R3HDM2: variants seen among roughly 807,000 people sequenced by gnomAD.
The protein encoded by R3HDM2 is R3H domain-containing protein 2.
Under a neutral mutation model 124.5 loss-of-function variants are expected in R3HDM2, and 38 were observed. The ratio of observed to expected loss-of-function variants is 0.31; its 90% CI spans 0.24 to 0.40. The LOEUF (loss-of-function observed/expected upper bound fraction) is 0.40, where lower values mean the gene tolerates loss of function less well. R3HDM2 is among the 10% of genes least tolerant of loss of function. The pLI is 1.00. For synonymous variants in R3HDM2, 391 were observed against 448.0 expected, an observed-to-expected ratio of 0.87 and a Z score of 1.61; for missense variants, 869 against 1,236.9, an observed-to-expected ratio of 0.70 and a Z score of 4.46.
chr12:57,404,575 C>T (rs573574601), intron 1 of R3HDM2, among the ~76,000 whole-genome samples: 2 of 152,034 alleles, frequency 1.3e-5, no homozygotes, highest in South Asian at 2.1e-4. Context: ...TGGTGGCGTG[C>T]GCCTGTAGTC....
At chr12:57,290,012 C>T (rs1486906907) in intron 11 of R3HDM2, among the ~76,000 whole-genome samples, 5 of 152,038 alleles carry the variant, frequency 3.3e-5, no homozygotes, top group African/African-American at 4.8e-5. Flanking sequence ...GTTAGAAGTG[C>T]TGAAATCAAA....
Position 57,303,169 on chromosome 12 carries a change from C to T in R3HDM2, c.207+7G>A. ...ATTAGAAAAGAAGCTAGAGGAAGGG[C>T]TCTCACCTTGGCTCTTTTCCTGGCA... On this transcript the variant is annotated splice_region_variant and intron_variant, in intron 4 of 23. Coordinates refer to ENST00000402412, the MANE Select transcript of R3HDM2 (RefSeq NM_001394031.1). 1 of 1,508,922 alleles carries T rather than the reference C, an allele frequency of 6.6e-7. No homozygotes were observed. The highest frequency in any genetic ancestry group is 2.5e-5 in the East Asian group (1 of 40,710). 93.5% of individuals were successfully genotyped at this position (1,508,922 alleles called of 1,614,324 possible).
intron 2 of R3HDM2, among the ~76,000 whole-genome samples, chr12:57,369,043 T>C (rs1000835033): frequency 2.6e-4 from 39 of 152,174 alleles, no homozygotes; most frequent in Admixed American, 5.9e-4. Flanking sequence ...ATAGAAGGAT[T>C]AGGCAAATAA....
In R3HDM2 at chr12:57,365,323, T is replaced by A. The variant is rs189525876; in HGVS notation, c.-36+30426A>T. ...AGATTGGATTAGGGCCCTCCTCCTA[T>A]TTTATTTTATTCACCTCTTTAATGG... On this transcript the variant is annotated intron_variant, in intron 2 of 23. Transcript: ENST00000402412. Among the ~76,000 whole-genome samples, 165 of 152,122 alleles carry A rather than the reference T, an allele frequency of 1.1e-3. 1 individual carries two copies. The highest frequency in any genetic ancestry group is 3.8e-3 in the African/African-American group (158 of 41,522).
At chr12:57,297,280 C>T (rs1336952161) in intron 8 of R3HDM2, 48 bp downstream of exon 8, 2 of 1,011,604 alleles carry the variant, frequency 2.0e-6, no homozygotes, top group South Asian at 3.0e-5. Flanking sequence ...AATTTATTTC[C>T]AGTGCCCCCT....
intron 23 of R3HDM2, 117 bp downstream of exon 23, chr12:57,255,873 A>G: frequency 1.2e-6 from 1 of 806,846 alleles, no homozygotes. Context: ...TTTGAGCACA[A>G]AGGGTCCCAC....
chr12:57,408,736 AATAT>A (rs1008201719), intron 1 of R3HDM2, among the ~76,000 whole-genome samples: 1 of 151,946 alleles, frequency 6.6e-6, no homozygotes, highest in South Asian at 2.1e-4. Context: ...AATCTCAAAA[AATAT>A]ATATATATTT....
chr12:57,343,417 G>A (rs1039760078), intron 2 of R3HDM2, among the ~76,000 whole-genome samples: 5 of 151,862 alleles, frequency 3.3e-5, no homozygotes, highest in African/African-American at 1.2e-4. Flanking sequence ...TCGAACTCCC[G>A]ACCTCAGGTG....
At chr12:57,343,595 T>C (rs1409578350) in intron 2 of R3HDM2, among the ~76,000 whole-genome samples, 1 of 151,894 alleles carries the variant, frequency 6.6e-6, no homozygotes, top group African/African-American at 2.4e-5. Flanking sequence ...CAAAAAATAA[T>C]GTATAGCTAT....
chr12:57,268,721 A>G, intron 17 of R3HDM2: 1 of 733,696 alleles, frequency 1.4e-6, no homozygotes, highest in Non-Finnish European at 2.2e-6. Context: ...TACTCATTCC[A>G]TGGCTGTATA....
At chr12:57,353,773 GA>G (rs2060932749) in intron 2 of R3HDM2, among the ~76,000 whole-genome samples, 1 of 151,970 alleles carries the variant, frequency 6.6e-6, no homozygotes, top group Non-Finnish European at 1.5e-5. Flanking sequence ...TATAAATCTT[GA>G]CATGAACATA....
At chr12:57,341,447 T>C in intron 2 of R3HDM2, 2 of 982,836 alleles carry the variant, frequency 2.0e-6, no homozygotes, top group East Asian at 1.1e-4. Context: ...AGAAAAAGAC[T>C]GCAAACAAAA....
intron 1 of R3HDM2, among the ~76,000 whole-genome samples, chr12:57,417,276 T>C (rs1566517972): frequency 6.6e-6 from 1 of 150,588 alleles, no homozygotes; most frequent in Non-Finnish European, 1.5e-5. Context: ...TCCCAGCTAC[T>C]TGGGAGGCTG....
chr12:57,344,405 A>G (rs1354051453), intron 2 of R3HDM2, among the ~76,000 whole-genome samples: 1 of 152,226 alleles, frequency 6.6e-6, no homozygotes, highest in Non-Finnish European at 1.5e-5. Context: ...CCTGACATTC[A>G]TGACATAATA....
intron 19 of R3HDM2, among the ~76,000 whole-genome samples, chr12:57,266,514 G>A (rs1415272140): frequency 6.6e-6 from 1 of 152,230 alleles, no homozygotes; most frequent in African/African-American, 2.4e-5. Flanking sequence ...GATTACAGGT[G>A]TGAGCCAGTG....
chr12:57,277,734 T>C (rs374203743), intron 14 of R3HDM2, among the ~76,000 whole-genome samples: 111 of 152,264 alleles, frequency 7.3e-4, no homozygotes, highest in South Asian at 6.6e-3. Context: ...AGGCGTGAGC[T>C]ACCGCACCCA....
intron 14 of R3HDM2, chr12:57,272,684 T>G: frequency 2.4e-5 from 14 of 584,814 alleles, no homozygotes; most frequent in East Asian, 6.3e-5. Context: ...TTAATAATCA[T>G]AGAAGAAATT....
chr12:57,265,719 C>G (rs1164851181), intron 19 of R3HDM2, among the ~76,000 whole-genome samples: 1 of 151,884 alleles, frequency 6.6e-6, no homozygotes, highest in Admixed American at 6.6e-5. Flanking sequence ...CTTACAGCCT[C>G]AGCCTCCCAG....
chr12:57,399,319 T>C (rs1188046973), intron 1 of R3HDM2, among the ~76,000 whole-genome samples: 3 of 152,074 alleles, frequency 2.0e-5, no homozygotes, highest in Non-Finnish European at 4.4e-5. Context: ...GCAGAATTGC[T>C]TGAACCCGAG....
Sources: gnomAD v4.1 joint callset for allele counts (sites outside exome capture counted in the v4.1 genomes callset) on GRCh38, gnomAD v4.1.1 for gene constraint, MANE v1.5 for transcripts, NCBI Gene and HGNC (gene_info 2026-07-23, HGNC 2026-07-21) for gene names.